Variants in RORA observed in about 807,000 individuals in gnomAD.
RORA encodes RAR related orphan receptor A, also known as nuclear receptor ROR-alpha.
In RORA, 7 loss-of-function variants were observed where a neutral mutation model predicts 69.5. That is an observed-to-expected ratio of 0.10 (90% CI 0.06 to 0.19). The LOEUF is 0.19. Among genes scored for constraint, RORA ranks in the 10% least tolerant of loss-of-function variants. RORA has a pLI of 1.00. For missense variants in RORA, 457 were observed against 663.0 expected, an observed-to-expected ratio of 0.69 and a Z score of 3.41; for synonymous variants, 261 against 240.8, an observed-to-expected ratio of 1.08 and a Z score of -0.78.
intron 1 of RORA, among the ~76,000 whole-genome samples, chr15:60,894,506 T>C (rs1891175516): frequency 6.6e-6 from 1 of 151,296 alleles, no homozygotes; most frequent in South Asian, 2.1e-4. Context: ...AGTCACAAAC[T>C]GAGGATTTTT....
chr15:60,939,032 T>C (rs1892609416), intron 1 of RORA, among the ~76,000 whole-genome samples: 1 of 152,216 alleles, frequency 6.6e-6, no homozygotes, highest in Non-Finnish European at 1.5e-5. Context: ...GCTCAGGCCA[T>C]TGCTCGTTGG....
At chr15:61,076,492 G>A (rs17237668) in intron 1 of RORA, among the ~76,000 whole-genome samples, 8,641 of 152,064 alleles carry the variant, frequency 0.057, 377 homozygotes, top group South Asian at 0.11. Flanking sequence ...TTCCAGGAAC[G>A]TGCAAGCTAA....
At chr15:61,162,375 C>G (rs1320781622) in intron 1 of RORA, among the ~76,000 whole-genome samples, 1 of 152,132 alleles carries the variant, frequency 6.6e-6, no homozygotes, top group African/African-American at 2.4e-5. Flanking sequence ...GAAGAAATAT[C>G]TTAGTCCGTA....
intron 2 of RORA, among the ~76,000 whole-genome samples, chr15:60,646,122 C>T (rs1007614406): frequency 2.6e-5 from 4 of 152,128 alleles, no homozygotes; most frequent in African/African-American, 9.7e-5. Flanking sequence ...TTATTTGTCA[C>T]CAGAGTTGAG....
chr15:60,570,369 AC>A (rs1353545522), intron 2 of RORA, among the ~76,000 whole-genome samples: 2 of 152,092 alleles, frequency 1.3e-5, no homozygotes. Context: ...TTGCTCTGTC[AC>A]CCAGGCTGGA....
At chr15:60,721,439 T>C (rs2071292304) in intron 1 of RORA, among the ~76,000 whole-genome samples, 1 of 152,250 alleles carries the variant, frequency 6.6e-6, no homozygotes, top group Admixed American at 6.5e-5. Context: ...GGGCTTCCAT[T>C]ACAATAATAT....
At chr15:60,838,951 C>T (rs374848630) in intron 1 of RORA, among the ~76,000 whole-genome samples, 7 of 151,300 alleles carry the variant, frequency 4.6e-5, no homozygotes, top group African/African-American at 7.3e-5. Flanking sequence ...TGCAGTGGCG[C>T]GATCTCTCCT....
intron 1 of RORA, among the ~76,000 whole-genome samples, chr15:60,859,616 C>T (rs367813621): frequency 1.3e-5 from 2 of 149,970 alleles, no homozygotes; most frequent in African/African-American, 2.5e-5. Flanking sequence ...TATAGCAACA[C>T]GACACCCGGG....
At chr15:60,528,422 A>G (rs1465739012) in intron 3 of RORA, 6 of 150,858 alleles carry the variant, frequency 4.0e-5, no homozygotes, top group Non-Finnish European at 8.9e-5. Flanking sequence ...TAGTTCTTGC[A>G]TTGCTATTTA....
chr15:60,595,836 C>T (rs2140536088), intron 2 of RORA, among the ~76,000 whole-genome samples: 1 of 152,276 alleles, frequency 6.6e-6, no homozygotes, highest in East Asian at 1.9e-4. Flanking sequence ...ACACAACATA[C>T]TTATAAACAC....
chr15:61,054,383 CTCT>C (rs1030764282), intron 1 of RORA, among the ~76,000 whole-genome samples: 4 of 151,700 alleles, frequency 2.6e-5, no homozygotes, highest in African/African-American at 4.8e-5. Flanking sequence ...CACAGCTATA[CTCT>C]TCTTCTTAAA....
At chr15:60,760,164 G>A (rs1473479346) in intron 1 of RORA, among the ~76,000 whole-genome samples, 1 of 151,148 alleles carries the variant, frequency 6.6e-6, no homozygotes, top group Non-Finnish European at 1.5e-5. Flanking sequence ...CAATGTTTCT[G>A]AGCCTTCCTT....
intron 1 of RORA, among the ~76,000 whole-genome samples, chr15:60,870,372 T>C (rs17204559): frequency 0.012 from 1,801 of 152,302 alleles, 21 homozygotes; most frequent in Middle Eastern, 0.044. Context: ...GCGATTTTTG[T>C]GGATTTTAGA....
At chr15:61,005,477 C>T (rs1480885888) in intron 1 of RORA, among the ~76,000 whole-genome samples, 1 of 152,100 alleles carries the variant, frequency 6.6e-6, no homozygotes, top group African/African-American at 2.4e-5. Flanking sequence ...GAGACTCTGT[C>T]TCAAAAAATA....
chr15:60,840,596 T>C (rs965480004), intron 1 of RORA, among the ~76,000 whole-genome samples: 2 of 152,192 alleles, frequency 1.3e-5, no homozygotes, highest in African/African-American at 2.4e-5. Flanking sequence ...GAGAGTGAGA[T>C]GTTTGCTCAG....
intron 2 of RORA, among the ~76,000 whole-genome samples, chr15:60,633,514 G>A (rs551860093): frequency 3.3e-5 from 5 of 152,270 alleles, no homozygotes; most frequent in African/African-American, 9.6e-5. Context: ...ATAATGTGAC[G>A]CTGAACTTAA....
chr15:60,908,759 A>G (rs1422992002), intron 1 of RORA, among the ~76,000 whole-genome samples: 1 of 152,114 alleles, frequency 6.6e-6, no homozygotes, highest in African/African-American at 2.4e-5. Flanking sequence ...CCCCACAGAA[A>G]GCGTGGTTCT....
intron 1 of RORA, among the ~76,000 whole-genome samples, chr15:60,709,889 G>T (rs1307242667): frequency 6.6e-6 from 1 of 152,110 alleles, no homozygotes; most frequent in Non-Finnish European, 1.5e-5. Flanking sequence ...CCATGAAACT[G>T]GTCTCTGGTG....
intron 4 of RORA, among the ~76,000 whole-genome samples, chr15:60,513,053 A>G (rs1314452084): frequency 4.6e-5 from 7 of 152,186 alleles, no homozygotes; most frequent in Admixed American, 4.6e-4. Flanking sequence ...GGCAGGATAG[A>G]TGGACACGAA....
Sources: gnomAD v4.1 joint callset for allele counts (sites outside exome capture counted in the v4.1 genomes callset) on GRCh38, gnomAD v4.1.1 for gene constraint, MANE v1.5 for transcripts, NCBI Gene and HGNC (gene_info 2026-07-23, HGNC 2026-07-21) for gene names.